SNAP25: variants seen among roughly 807,000 people sequenced by gnomAD.
The protein encoded by SNAP25 is synaptosome associated protein 25.
SNAP25 carries 3 observed loss-of-function variants against 28.7 expected under a neutral mutation model. That is an observed-to-expected ratio of 0.10 (90% CI 0.05 to 0.27). SNAP25 has a LOEUF of 0.27. Ranked by LOEUF, SNAP25 falls within the 10% of genes least tolerant of loss-of-function variation. The pLI is 1.00. For missense variants in SNAP25, 117 were observed against 278.7 expected, an observed-to-expected ratio of 0.42 and a Z score of 4.13; for synonymous variants, 61 against 88.1, an observed-to-expected ratio of 0.69 and a Z score of 1.72.
chr20:10,244,513 C>G (rs2063092757), intron 1 of SNAP25, among the ~76,000 whole-genome samples: 1 of 152,140 alleles, frequency 6.6e-6, no homozygotes, highest in Non-Finnish European at 1.5e-5. Flanking sequence ...AGGCAGCTTA[C>G]CTAAAGGCAC....
intron 1 of SNAP25, among the ~76,000 whole-genome samples, chr20:10,240,663 G>T (rs1467563882): frequency 6.6e-6 from 1 of 152,190 alleles, no homozygotes; most frequent in Non-Finnish European, 1.5e-5. Flanking sequence ...CACAGCCAGA[G>T]GCCTTCCAAA....
At chr20:10,275,717 G>A (rs1322284682) in intron 2 of SNAP25, among the ~76,000 whole-genome samples, 154 bp downstream of exon 2, 1 of 152,214 alleles carries the variant, frequency 6.6e-6, no homozygotes, top group Admixed American at 6.5e-5. Context: ...TAAGGCTTCT[G>A]TGGACCAGAA....
intron 4 of SNAP25, 111 bp downstream of exon 4, chr20:10,284,883 G>T (rs567341088): frequency 3.8e-6 from 3 of 786,208 alleles, no homozygotes; most frequent in Non-Finnish European, 6.4e-6. Context: ...ACATGTACAC[G>T]AATGTGAGGG....
intron 1 of SNAP25, among the ~76,000 whole-genome samples, chr20:10,223,461 A>G (rs1005072192): frequency 7.9e-5 from 12 of 152,176 alleles, no homozygotes; most frequent in Non-Finnish European, 1.3e-4. Context: ...TCACTAAAAC[A>G]CTGGCAGTAG....
At chr20:10,219,950 C>T (rs1486624628) in intron 1 of SNAP25, among the ~76,000 whole-genome samples, 1 of 152,200 alleles carries the variant, frequency 6.6e-6, no homozygotes, top group East Asian at 1.9e-4. Context: ...TTCTGTGTTG[C>T]CCTCTGACCC....
intron 3 of SNAP25, among the ~76,000 whole-genome samples, chr20:10,281,946 G>T (rs749388313): frequency 6.6e-6 from 1 of 152,140 alleles, no homozygotes; most frequent in East Asian, 1.9e-4. Context: ...CTGAGACACA[G>T]AACAGGTGAC....
chr20:10,254,134 C>G (rs1016357302), intron 1 of SNAP25, among the ~76,000 whole-genome samples: 5 of 152,240 alleles, frequency 3.3e-5, no homozygotes, highest in Non-Finnish European at 5.9e-5. Context: ...CATTGCATAG[C>G]TTCTGCATGT....
At chr20:10,265,887 A>G (rs943529200) in intron 1 of SNAP25, among the ~76,000 whole-genome samples, 3 of 152,128 alleles carry the variant, frequency 2.0e-5, no homozygotes, top group Non-Finnish European at 2.9e-5. Flanking sequence ...ATCCAATCCA[A>G]TAAGTCTGGG....
At chr20:10,256,489 T>C (rs543257323) in intron 1 of SNAP25, among the ~76,000 whole-genome samples, 1 of 152,092 alleles carries the variant, frequency 6.6e-6, no homozygotes, top group Non-Finnish European at 1.5e-5. Context: ...AAATGAACTT[T>C]TAACTCATTT....
chr20:10,252,406 G>C (rs2063246150), intron 1 of SNAP25, among the ~76,000 whole-genome samples: 1 of 152,176 alleles, frequency 6.6e-6, no homozygotes, highest in Non-Finnish European at 1.5e-5. Context: ...TTCTACCACA[G>C]ATATATCATT....
At chr20:10,231,622 A>G (rs949833703) in intron 1 of SNAP25, 15 of 152,184 alleles carry the variant, frequency 9.9e-5, no homozygotes, top group Admixed American at 7.9e-4. Context: ...CCCAAACTCT[A>G]CAAAACAGGG....
chr20:10,223,669 T>TAA (rs141054718), intron 1 of SNAP25, among the ~76,000 whole-genome samples: 4 of 147,316 alleles, frequency 2.7e-5, no homozygotes, highest in Non-Finnish European at 4.5e-5. Flanking sequence ...GACAAAAAGT[T>TAA]AAAAAAAAAA....
rs964129949 is a variant in SNAP25 at position 10,241,539 on chromosome 20, T to G, written c.-64+22562T>G. ...CAGTCAGACAGATGGACAAGAAAAA[T>G]ATCAGATGGGGATGGTGGCTAAGTA... On this transcript the variant is annotated intron_variant, in intron 1 of 7. Transcript: ENST00000254976. 2.6e-5 allele frequency among the ~76,000 whole-genome samples: 4 copies of G among 151,786 alleles called. 1 individual carries two copies. The highest frequency in any genetic ancestry group is 2.0e-4 in the Admixed American group (3 of 15,230).
chr20:10,269,929 T>C (rs1395936925), intron 1 of SNAP25, among the ~76,000 whole-genome samples: 3 of 152,228 alleles, frequency 2.0e-5, no homozygotes, highest in Non-Finnish European at 4.4e-5. Context: ...CTGGTTAATG[T>C]AGCCTGCCCC....
chr20:10,299,928 A>G (rs1221113322), intron 7 of SNAP25, among the ~76,000 whole-genome samples: 1 of 152,208 alleles, frequency 6.6e-6, no homozygotes, highest in Non-Finnish European at 1.5e-5. Flanking sequence ...TGGTGAAGGG[A>G]TAGAATCAGA....
chr20:10,253,769 CTGTCT>C (rs1286419838), intron 1 of SNAP25, among the ~76,000 whole-genome samples: 18 of 152,318 alleles, frequency 1.2e-4, no homozygotes, highest in South Asian at 4.1e-4. Flanking sequence ...CTAATACAAG[CTGTCT>C]GGCAGTTGTA....
At chr20:10,304,879 C>T (rs528058873) in intron 7 of SNAP25, among the ~76,000 whole-genome samples, 3 of 152,208 alleles carry the variant, frequency 2.0e-5, no homozygotes, top group African/African-American at 7.2e-5. Flanking sequence ...TAAACGGATG[C>T]TCACAACACT....
intron 5 of SNAP25, among the ~76,000 whole-genome samples, chr20:10,296,051 C>T (rs538289827): frequency 1.3e-5 from 2 of 152,328 alleles, no homozygotes; most frequent in African/African-American, 4.8e-5. Flanking sequence ...CTATTACTGT[C>T]CTGCTAGTGC....
At chr20:10,286,237 C>A (rs2063875952) in intron 4 of SNAP25, among the ~76,000 whole-genome samples, 1 of 152,076 alleles carries the variant, frequency 6.6e-6, no homozygotes, top group African/African-American at 2.4e-5. Context: ...TATTTACTGA[C>A]TTCTGTGGAG....
Sources: allele counts gnomAD v4.1 joint callset (sites outside exome capture counted in the v4.1 genomes callset), GRCh38; gene constraint gnomAD v4.1.1; transcripts MANE v1.5; gene names NCBI Gene and HGNC (gene_info 2026-07-23, HGNC 2026-07-21).